ARFGEF2: variants seen among roughly 807,000 people sequenced by gnomAD.
ARFGEF2 encodes the protein ARF guanine nucleotide exchange factor 2.
ARFGEF2 carries 74 observed loss-of-function variants against 219.9 expected under a neutral mutation model. That is an observed-to-expected ratio of 0.34 (90% CI 0.28 to 0.41). ARFGEF2 has a LOEUF of 0.41. Among genes scored for constraint, ARFGEF2 ranks in the 10% least tolerant of loss-of-function variants. The probability of loss-of-function intolerance (pLI) is 1.00; values close to 1 mark genes in which losing one functional copy is unlikely to be tolerated. For missense variants in ARFGEF2, 1,743 were observed against 2,218.3 expected, an observed-to-expected ratio of 0.79 and a Z score of 4.30; for synonymous variants, 733 against 799.2, an observed-to-expected ratio of 0.92 and a Z score of 1.40.
At chr20:48,929,283 TGAG>T (rs1262606434) in intron 1 of ARFGEF2, among the ~76,000 whole-genome samples, 2 of 152,254 alleles carry the variant, frequency 1.3e-5, no homozygotes, top group East Asian at 1.9e-4. Context: ...TATACCTTTG[TGAG>T]GAGAACAGCC....
At chr20:49,021,968 C>T (rs1176302274) in intron 34 of ARFGEF2, among the ~76,000 whole-genome samples, 1 of 150,450 alleles carries the variant, frequency 6.6e-6, no homozygotes, top group South Asian at 2.1e-4. Flanking sequence ...GCTAAGATGG[C>T]GAAACCCCAT....
chr20:49,023,004 G>T lies in ARFGEF2; in HGVS notation c.4625-47G>T. ...TAGGAGCTCAGTGGATATTTCTTCA[G>T]TATTGGCTGAATCATTATTAGGGTT... On this transcript the variant is annotated intron_variant, in intron 34 of 38. Coordinates refer to ENST00000371917, the MANE Select transcript of ARFGEF2 (RefSeq NM_006420.3). 4 of 1,612,516 alleles carry T rather than the reference G, an allele frequency of 2.5e-6. No individual in the cohort carries two copies. The South Asian group carries it at 4.4e-5, about 18-fold the overall frequency.
intron 1 of ARFGEF2, among the ~76,000 whole-genome samples, chr20:48,934,097 G>A (rs2123288587): frequency 7.1e-6 from 1 of 141,448 alleles, no homozygotes; most frequent in Admixed American, 7.4e-5. Flanking sequence ...TCCAGCCTGG[G>A]CAACAGAGTG....
At chr20:48,984,903 G>C in intron 15 of ARFGEF2, 63 bp downstream of exon 15, 8 of 1,611,236 alleles carry the variant, frequency 5.0e-6, no homozygotes, top group Non-Finnish European at 5.9e-6. Context: ...GCCCTTACCA[G>C]TTTTAACCTC....
intron 34 of ARFGEF2, among the ~76,000 whole-genome samples, chr20:49,021,818 C>G (rs2091566374): frequency 6.9e-6 from 1 of 145,096 alleles, no homozygotes. Context: ...GCACTTCAGC[C>G]TGGGTGACAC....
chr20:48,963,962 A>G, intron 7 of ARFGEF2, 64 bp downstream of exon 7: 1 of 1,496,554 alleles, frequency 6.7e-7, no homozygotes, highest in Non-Finnish European at 9.2e-7. Context: ...CCTCAGCAAA[A>G]TATTTTAGTG....
At chr20:48,926,426 A>G (rs1055919232) in intron 1 of ARFGEF2, among the ~76,000 whole-genome samples, 1 of 152,092 alleles carries the variant, frequency 6.6e-6, no homozygotes, top group African/African-American at 2.4e-5. Flanking sequence ...AGAGCTGGTT[A>G]CACATAAGTT....
At chr20:49,009,250 T>TTTTAACTGTTTTGACTTTCTCCTTGC (rs2091481638) in intron 26 of ARFGEF2, among the ~76,000 whole-genome samples, 1 of 152,238 alleles carries the variant, frequency 6.6e-6, no homozygotes, top group Non-Finnish European at 1.5e-5. Context: ...TTCAGCTAAT[T>TTTTAACTGTTTTGACTTTCTCCTTGC]TTTAACTGTT....
intron 6 of ARFGEF2, among the ~76,000 whole-genome samples, chr20:48,962,471 A>G (rs2091159638): frequency 6.6e-6 from 1 of 152,218 alleles, no homozygotes; most frequent in South Asian, 2.1e-4. Context: ...GGTGCATAAC[A>G]GTATATTTAA....
intron 24 of ARFGEF2, 23 bp from the exon 25 acceptor site, chr20:48,998,313 G>T (rs774844452): frequency 9.4e-5 from 152 of 1,614,206 alleles, no homozygotes; most frequent in Non-Finnish European, 1.3e-4. Flanking sequence ...GGCTTTGCTT[G>T]TGTTGTTGGG....
chr20:48,988,217 C>T, intron 16 of ARFGEF2, 87 bp from the exon 17 acceptor site: 2 of 989,100 alleles, frequency 2.0e-6, no homozygotes, highest in Non-Finnish European at 3.2e-6. Flanking sequence ...TAGTCGGCTG[C>T]TTTTCTCGTG....
chr20:49,033,150 T>A lies in ARFGEF2; in HGVS notation c.5309T>A (p.Ile1770Lys). 6.2e-6 allele frequency: 10 copies of A among 1,614,228 alleles called. No homozygotes were observed. The highest frequency in any genetic ancestry group is 8.5e-6 in the Non-Finnish European group (10 of 1,180,042). The change falls in exon 39 of 39, where the codon ATA becomes AAA. Residue 1770 changes from isoleucine to lysine, a missense_variant. Coordinates refer to ENST00000371917, the MANE Select transcript of ARFGEF2 (RefSeq NM_006420.3). ...ATAGGTGTTGTGTATAAGATATGGA[T>A]ACCAGAAGAGCCATCACAGGTACCA... ...LRIGVVYKIW[I>K]PEEPSQVPAA...
chr20:48,937,539 G>C (rs1462662985), intron 1 of ARFGEF2, among the ~76,000 whole-genome samples: 1 of 152,120 alleles, frequency 6.6e-6, no homozygotes, highest in African/African-American at 2.4e-5. Context: ...TGAGCCACTG[G>C]GACTGGCCTC....
intron 25 of ARFGEF2, among the ~76,000 whole-genome samples, chr20:49,001,491 G>T (rs996207126): frequency 6.6e-6 from 1 of 152,144 alleles, no homozygotes; most frequent in African/African-American, 2.4e-5. Context: ...AGAGTTGTTC[G>T]CACAGTCACA....
At chr20:48,999,161 C>G (rs1342776833) in intron 25 of ARFGEF2, 2 of 394,438 alleles carry the variant, frequency 5.1e-6, no homozygotes, top group Admixed American at 3.1e-5. Flanking sequence ...TTGCTTGAAC[C>G]TGGGAGGTGG....
chr20:48,960,483 A>G (rs1224601744), intron 6 of ARFGEF2, among the ~76,000 whole-genome samples: 1 of 136,640 alleles, frequency 7.3e-6, no homozygotes, highest in African/African-American at 2.8e-5. Context: ...TATAAAAATA[A>G]TTTTCTTTTT....
chr20:49,030,380 G>A (rs1402650154), intron 37 of ARFGEF2, among the ~76,000 whole-genome samples: 2 of 146,022 alleles, frequency 1.4e-5, no homozygotes, highest in African/African-American at 5.1e-5. Context: ...GGCTGGTCTC[G>A]AACTCCTGGG....
intron 6 of ARFGEF2, among the ~76,000 whole-genome samples, chr20:48,961,860 TCA>T (rs2091154892): frequency 8.0e-6 from 1 of 124,802 alleles, no homozygotes; most frequent in Non-Finnish European, 1.7e-5. Flanking sequence ...TGAGACTCTC[TCA>T]AAAAAAAAAA....
intron 27 of ARFGEF2, among the ~76,000 whole-genome samples, chr20:49,011,268 A>G (rs868313345): frequency 2.0e-5 from 3 of 152,248 alleles, no homozygotes; most frequent in African/African-American, 7.2e-5. Flanking sequence ...TGTTCTGACC[A>G]GAGACTTGCA....
Sources: allele counts gnomAD v4.1 joint callset (sites outside exome capture counted in the v4.1 genomes callset), GRCh38; gene constraint gnomAD v4.1.1; transcripts MANE v1.5; gene names NCBI Gene and HGNC (gene_info 2026-07-23, HGNC 2026-07-21).